The following HDX variants were observed in gnomAD, a reference collection of about 807,000 sequenced individuals.
HDX encodes the protein chromosome X open reading frame 43.
A neutral mutation model predicts 45.2 loss-of-function variants in HDX; 19 were observed. The ratio of observed to expected loss-of-function variants is 0.42; its 90% CI spans 0.29 to 0.62. The LOEUF (loss-of-function observed/expected upper bound fraction) is 0.62, where lower values mean the gene tolerates loss of function less well. Ranked by LOEUF, HDX falls within the 20% of genes least tolerant of loss-of-function variation. The probability of loss-of-function intolerance (pLI) is 0.20; values close to 1 mark genes in which losing one functional copy is unlikely to be tolerated. For missense variants in HDX, 532 were observed against 493.9 expected (o/e 1.08, Z -0.73); for synonymous variants, 188 against 172.8 (o/e 1.09, Z -0.69).
At chrX:84,457,580 A>G (rs934925014) in intron 4 of HDX, among the ~76,000 whole-genome samples, 2 of 111,850 alleles carry the variant, frequency 1.8e-5, no homozygotes, top group Non-Finnish European at 3.8e-5. Flanking sequence ...TTGCATGTAG[A>G]TGGTAAGTAT....
At chrX:84,359,602 T>C (rs2037569992) in intron 6 of HDX, among the ~76,000 whole-genome samples, 1 of 111,849 alleles carries the variant, frequency 8.9e-6, no homozygotes. Context: ...CTGATGGACA[T>C]GTGGGTTGCT....
intron 4 of HDX, among the ~76,000 whole-genome samples, chrX:84,441,729 A>G (rs1356323642): frequency 9.0e-6 from 1 of 111,540 alleles, no homozygotes; most frequent in Non-Finnish European, 1.9e-5. Flanking sequence ...TGCATATTAT[A>G]CAAGTATTTT....
At chrX:84,425,005 A>G (rs1434254425) in intron 5 of HDX, among the ~76,000 whole-genome samples, 2 of 111,592 alleles carry the variant, frequency 1.8e-5, no homozygotes, top group African/African-American at 3.3e-5. Context: ...CAGCAAAGGA[A>G]ACAATCAATA....
chrX:84,495,412 C>T (rs184615681), intron 1 of HDX, among the ~76,000 whole-genome samples: 109 of 111,133 alleles, frequency 9.8e-4, no homozygotes, highest in African/African-American at 3.5e-3. Context: ...TTTAGCTGTT[C>T]CACAATGTGT....
At chrX:84,360,321 A>G (rs763696036) in intron 6 of HDX, among the ~76,000 whole-genome samples, 9 of 112,204 alleles carry the variant, frequency 8.0e-5, no homozygotes, top group Non-Finnish European at 1.1e-4. Context: ...ACACTTTTAC[A>G]CTGTAGGTGG....
At chrX:84,328,333 CT>C (rs1433046924) in intron 9 of HDX, among the ~76,000 whole-genome samples, 1 of 110,965 alleles carries the variant, frequency 9.0e-6, no homozygotes, top group Non-Finnish European at 1.9e-5. Context: ...GATCATACCA[CT>C]GCACTTCAGC....
rs181022658 is a variant in HDX, at chrX:84,448,725, A to C, written c.1252-8140T>G. On this transcript the variant is annotated intron_variant, in intron 4 of 10. Coordinates refer to ENST00000373177, the MANE Select transcript of HDX (RefSeq NM_001177479.2). ...GATGCTCAGATGTCAATGAAAATAC[A>C]TAACATGAAAAGACAAGGAAATATG... Among the ~76,000 whole-genome samples, 38 of 111,572 alleles carry C rather than the reference A, an allele frequency of 3.4e-4. No homozygotes were observed. The East Asian group carries it at 9.9e-3, about 29-fold the overall frequency.
chrX:84,416,561 C>T (rs1361981279), intron 5 of HDX, among the ~76,000 whole-genome samples: 5 of 110,634 alleles, frequency 4.5e-5, no homozygotes, highest in Non-Finnish European at 7.6e-5. Context: ...TTCATTAGTT[C>T]CATGAGAGCA....
intron 8 of HDX, among the ~76,000 whole-genome samples, chrX:84,335,216 G>A (rs1330962505): frequency 9.1e-6 from 1 of 110,301 alleles, no homozygotes; most frequent in Non-Finnish European, 1.9e-5. Flanking sequence ...ATTTTTTGAT[G>A]TTTTTCAGAT....
intron 2 of HDX, among the ~76,000 whole-genome samples, chrX:84,482,512 A>G (rs772153794): frequency 2.2e-4 from 25 of 111,719 alleles, no homozygotes; most frequent in South Asian, 3.8e-4. Flanking sequence ...AGCCCCTTAT[A>G]AAACCATAAC....
At chrX:84,495,831 T>C (rs1223555512) in intron 1 of HDX, among the ~76,000 whole-genome samples, 2 of 111,468 alleles carry the variant, frequency 1.8e-5, no homozygotes. Flanking sequence ...AAAAGGAAAG[T>C]ACTGCTGACA....
intron 5 of HDX, among the ~76,000 whole-genome samples, chrX:84,380,883 A>T (rs2038171846): frequency 9.0e-6 from 1 of 111,057 alleles, no homozygotes. Flanking sequence ...ATGAGAAAAG[A>T]GAAAAAATAA....
rs1229082655 is a variant in HDX at position 84,318,458 on chromosome X, A to G, written c.*3431T>C. On this transcript the variant is annotated 3_prime_UTR_variant, in exon 11 of 11. Transcript: ENST00000373177. ...TGGAATAACACAACTGTAATACGGA[A>G]GAAGGGCAGGAGTTAAAGTTTTCAG... The G allele has an allele frequency of 9.0e-6, 1 of 111,214 alleles. No individual in the cohort carries two copies. The highest frequency in any genetic ancestry group is 1.9e-5 in the Non-Finnish European group (1 of 52,642). 9.2% of individuals were successfully genotyped at this position (111,214 alleles called of 1,213,427 possible).
intron 6 of HDX, among the ~76,000 whole-genome samples, chrX:84,359,060 T>C (rs1490566959): frequency 2.1e-5 from 2 of 95,797 alleles, no homozygotes; most frequent in African/African-American, 6.8e-5. Context: ...AATTAAGGCT[T>C]TTTTTTTCCT....
intron 7 of HDX, among the ~76,000 whole-genome samples, chrX:84,342,889 A>G (rs1324674444): frequency 9.0e-6 from 1 of 111,607 alleles, no homozygotes; most frequent in Non-Finnish European, 1.9e-5. Context: ...AGAAAACATC[A>G]TAAGCAAAAT....
At chrX:84,422,209 A>G (rs1230439698) in intron 5 of HDX, among the ~76,000 whole-genome samples, 1 of 112,280 alleles carries the variant, frequency 8.9e-6, no homozygotes, top group East Asian at 2.8e-4. Context: ...AATGAAATAA[A>G]TAACAAAAGA....
chrX:84,488,013 G>C lies in HDX; in HGVS notation c.-1+11C>G, dbSNP rs756888050. The C allele has an allele frequency of 1.8e-5, 2 of 111,271 alleles. No individual in the cohort carries two copies. The highest frequency in any genetic ancestry group is 5.7e-4 in the East Asian group (2 of 3,528). The allele number at this position is 111,271 out of a possible 1,213,427, so 9.2% of individuals were successfully genotyped here. On this transcript the variant is annotated intron_variant, in intron 2 of 10. Transcript: ENST00000373177. ...GTCTCAAGAGAAATGGGGGAAAACT[G>C]GGAAACTCACCCATATATGGTCACT...
intron 5 of HDX, among the ~76,000 whole-genome samples, chrX:84,398,705 G>C (rs929924572): frequency 1.7e-4 from 19 of 111,793 alleles, no homozygotes; most frequent in Non-Finnish European, 5.6e-5. Flanking sequence ...CTCAGTTCTG[G>C]ATCAAGTGGA....
At chrX:84,387,109 A>G (rs1248512822) in intron 5 of HDX, among the ~76,000 whole-genome samples, 1 of 111,980 alleles carries the variant, frequency 8.9e-6, no homozygotes, top group Non-Finnish European at 1.9e-5. Flanking sequence ...GGAATTATTA[A>G]GAAACACTTT....
Sources: allele counts gnomAD v4.1 joint callset (sites outside exome capture counted in the v4.1 genomes callset), GRCh38; gene constraint gnomAD v4.1.1; transcripts MANE v1.5; gene names NCBI Gene and HGNC (gene_info 2026-07-23, HGNC 2026-07-21).